The following ADAMTSL1 variants were observed in gnomAD, a reference collection of about 807,000 sequenced individuals.
ADAMTSL1 encodes ADAMTS-like protein 1.
ADAMTSL1 carries 126 observed loss-of-function variants against 201.8 expected under a neutral mutation model. The observed-to-expected ratio is 0.62, with a 90% CI of 0.54 to 0.72. ADAMTSL1 has a LOEUF of 0.72. Ranked by LOEUF, ADAMTSL1 falls within the 30% of genes least tolerant of loss-of-function variation. The probability of loss-of-function intolerance (pLI) is 0.00; values close to 1 mark genes in which losing one functional copy is unlikely to be tolerated. For synonymous variants in ADAMTSL1, 1,121 were observed against 903.4 expected, an observed-to-expected ratio of 1.24 and a Z score of -4.32; for missense variants, 2,679 against 2,277.8, an observed-to-expected ratio of 1.18 and a Z score of -3.59.
intron 23 of ADAMTSL1, among the ~76,000 whole-genome samples, chr9:18,844,517 C>A (rs979385872): frequency 1.3e-5 from 2 of 152,196 alleles, no homozygotes; most frequent in Non-Finnish European, 2.9e-5. Flanking sequence ...GCAGTCTGCC[C>A]ATTCTCAGAT....
At chr9:18,197,167 C>A (rs1399178588) in intron 2 of ADAMTSL1, among the ~76,000 whole-genome samples, 2 of 152,046 alleles carry the variant, frequency 1.3e-5, no homozygotes, top group Non-Finnish European at 2.9e-5. Flanking sequence ...GAAGAAAATG[C>A]CTTTAAAAGT....
At chr9:18,003,018 T>C (rs1819674537) in intron 1 of ADAMTSL1, among the ~76,000 whole-genome samples, 1 of 152,070 alleles carries the variant, frequency 6.6e-6, no homozygotes, top group African/African-American at 2.4e-5. Context: ...TGAGCTAATA[T>C]TGACCATGAG....
chr9:17,983,181 C>T (rs556057736), intron 1 of ADAMTSL1, among the ~76,000 whole-genome samples: 2 of 151,522 alleles, frequency 1.3e-5, no homozygotes, highest in South Asian at 4.2e-4. Context: ...AGCGATTCTC[C>T]TGCCTCAGCC....
At chr9:18,671,973 T>G (rs1049623326) in intron 9 of ADAMTSL1, among the ~76,000 whole-genome samples, 2 of 151,196 alleles carry the variant, frequency 1.3e-5, no homozygotes. Context: ...AGAGGAGGAG[T>G]TTGCAGTGAG....
chr9:17,974,639 T>A (rs995423686), intron 1 of ADAMTSL1, among the ~76,000 whole-genome samples: 3 of 152,064 alleles, frequency 2.0e-5, no homozygotes, highest in Admixed American at 6.6e-5. Context: ...GCCTTGCTTA[T>A]TTCACTTAGC....
intron 1 of ADAMTSL1, among the ~76,000 whole-genome samples, chr9:17,977,588 G>A (rs1414875960): frequency 6.6e-6 from 1 of 151,886 alleles, no homozygotes; most frequent in Non-Finnish European, 1.5e-5. Context: ...GCATATAGTT[G>A]TTCATAGTAG....
At position 18,286,594 on chromosome 9, in the gene ADAMTSL1, A is replaced by T. The variant is rs984040738; in HGVS notation, c.207+122613A>T. ...ATGGTTTTCAGATATAATCATTTTA[A>T]TGCAGCAGTCCAGAAATATTGGAAA... is the stretch of plus-strand genomic sequence containing the variant. On this transcript the variant is annotated intron_variant, in intron 2 of 29. Transcript: ENST00000680146. Among the ~76,000 whole-genome samples, 17 of 54,884 alleles carry T rather than the reference A, an allele frequency of 3.1e-4. 3 individuals are homozygous for T. The highest frequency in any genetic ancestry group is 6.6e-4 in the African/African-American group (17 of 25,864). 36.0% of individuals were successfully genotyped at this position (54,884 alleles called of 152,430 possible).
chr9:18,066,316 A>C (rs1822699183), intron 1 of ADAMTSL1, among the ~76,000 whole-genome samples: 1 of 152,202 alleles, frequency 6.6e-6, no homozygotes, highest in African/African-American at 2.4e-5. Flanking sequence ...GGATGCTAGC[A>C]TCACCAGGGT....
At chr9:18,065,416 C>T (rs1223429544) in intron 1 of ADAMTSL1, among the ~76,000 whole-genome samples, 1 of 152,016 alleles carries the variant, frequency 6.6e-6, no homozygotes, top group African/African-American at 2.4e-5. Flanking sequence ...ATTTGCATGC[C>T]CTCTTTATAA....
At chr9:18,016,523 A>G (rs1035909464) in intron 1 of ADAMTSL1, among the ~76,000 whole-genome samples, 2 of 152,002 alleles carry the variant, frequency 1.3e-5, no homozygotes, top group Non-Finnish European at 2.9e-5. Context: ...ATACCTGATT[A>G]CAGAGACCCT....
chr9:18,450,344 T>C (rs988432845), intron 2 of ADAMTSL1, among the ~76,000 whole-genome samples: 2 of 152,130 alleles, frequency 1.3e-5, no homozygotes, highest in Non-Finnish European at 2.9e-5. Context: ...GATTTTACTG[T>C]ATTCAACTTA....
At chr9:18,706,716 T>C (rs1832253723) in intron 13 of ADAMTSL1, 31 bp from the exon 14 acceptor site, 1 of 1,553,902 alleles carries the variant, frequency 6.4e-7, no homozygotes, top group Admixed American at 1.9e-5. Flanking sequence ...GGGCTTCTCA[T>C]CCTGTCCTCT....
intron 2 of ADAMTSL1, among the ~76,000 whole-genome samples, chr9:18,273,362 T>A (rs1484137785): frequency 3.6e-5 from 5 of 137,956 alleles, no homozygotes; most frequent in Non-Finnish European, 6.6e-5. Flanking sequence ...ATTGCAAGAG[T>A]GAGTCATCAC....
At chr9:18,094,723 G>A (rs558888810) in intron 1 of ADAMTSL1, among the ~76,000 whole-genome samples, 4 of 151,948 alleles carry the variant, frequency 2.6e-5, no homozygotes, top group African/African-American at 4.8e-5. Context: ...ACCATGCCCA[G>A]CTAATTTTTT....
chr9:18,012,614 C>G (rs898145079), intron 1 of ADAMTSL1, among the ~76,000 whole-genome samples: 6 of 152,008 alleles, frequency 3.9e-5, no homozygotes, highest in African/African-American at 1.4e-4. Flanking sequence ...TGTGAGAATG[C>G]TGAGACAGGT....
chr9:18,451,037 A>C (rs1820384873), intron 2 of ADAMTSL1, among the ~76,000 whole-genome samples: 1 of 152,238 alleles, frequency 6.6e-6, no homozygotes, highest in Non-Finnish European at 1.5e-5. Flanking sequence ...CAGGGGTAAG[A>C]CACCAAGGTA....
chr9:18,446,781 C>T (rs909468197), intron 2 of ADAMTSL1, among the ~76,000 whole-genome samples: 2 of 152,144 alleles, frequency 1.3e-5, no homozygotes, highest in Non-Finnish European at 1.5e-5. Context: ...CTTGAACTTT[C>T]GGGTAATAGT....
intron 16 of ADAMTSL1, among the ~76,000 whole-genome samples, chr9:18,757,299 A>ATCCTCCTCC (rs141290322): frequency 6.6e-6 from 1 of 150,916 alleles, no homozygotes; most frequent in Non-Finnish European, 1.5e-5. Context: ...ACTCATCATC[A>ATCCTCCTCC]TCCTCCTCCT....
intron 1 of ADAMTSL1, among the ~76,000 whole-genome samples, chr9:17,938,261 A>T (rs143809857): frequency 2.2e-4 from 33 of 152,256 alleles, no homozygotes; most frequent in African/African-American, 7.2e-4. Context: ...GTAAAATGAC[A>T]TAAGGCACAA....
Sources: allele counts gnomAD v4.1 joint callset (sites outside exome capture counted in the v4.1 genomes callset), GRCh38; gene constraint gnomAD v4.1.1; transcripts MANE v1.5; gene names NCBI Gene and HGNC (gene_info 2026-07-23, HGNC 2026-07-21).